The following ZFHX3 variants were observed in gnomAD, a reference collection of about 807,000 sequenced individuals.
ZFHX3 encodes zinc finger homeobox protein 3.
A neutral mutation model predicts 279.1 loss-of-function variants in ZFHX3; 42 were observed. The ratio of observed to expected loss-of-function variants is 0.15; its 90% CI spans 0.12 to 0.19. The LOEUF (loss-of-function observed/expected upper bound fraction) is 0.19. Ranked by LOEUF, ZFHX3 falls within the 10% of genes least tolerant of loss-of-function variation. The pLI, the probability that ZFHX3 is intolerant of heterozygous loss-of-function variation, is 1.00. For missense variants in ZFHX3, 4,981 were observed against 4,754.0 expected (o/e 1.05, Z -1.40); for synonymous variants, 2,293 against 1,957.8 (o/e 1.17, Z -4.52).
chr16:73,677,895 T>A (rs1221617682), intron 2 of ZFHX3, among the ~76,000 whole-genome samples: 5 of 151,994 alleles, frequency 3.3e-5, no homozygotes, highest in African/African-American at 1.2e-4. Context: ...TAAGGATGAA[T>A]TCATGTTAGA....
At chr16:73,225,433 T>C (rs1400391788) in intron 5 of ZFHX3, among the ~76,000 whole-genome samples, 1 of 151,784 alleles carries the variant, frequency 6.6e-6, no homozygotes, top group Non-Finnish European at 1.5e-5. Flanking sequence ...CTGGGCAACA[T>C]AGGGAGATCT....
intron 1 of ZFHX3, among the ~76,000 whole-genome samples, chr16:72,983,354 C>CA (rs1168031987): frequency 6.6e-6 from 1 of 152,186 alleles, no homozygotes; most frequent in African/African-American, 2.4e-5. Flanking sequence ...GAACACAAAA[C>CA]AATGACCAGG....
intron 8 of ZFHX3, among the ~76,000 whole-genome samples, chr16:73,075,851 C>T (rs982809139): frequency 6.6e-6 from 1 of 151,938 alleles, no homozygotes; most frequent in Admixed American, 6.6e-5. Context: ...AGGTTGGTCT[C>T]GAACTCCTGA....
At chr16:73,449,719 G>A (rs551911079) in intron 3 of ZFHX3, among the ~76,000 whole-genome samples, 2 of 152,246 alleles carry the variant, frequency 1.3e-5, no homozygotes, top group African/African-American at 4.8e-5. Context: ...AGGAGGTAAG[G>A]GAAGGAAATT....
At chr16:73,684,447 T>C (rs2142199744) in intron 1 of ZFHX3, among the ~76,000 whole-genome samples, 1 of 152,138 alleles carries the variant, frequency 6.6e-6, no homozygotes. Flanking sequence ...TCCTGTACAA[T>C]TGCTAGATAA....
At chr16:73,171,170 A>C (rs902323030) in intron 5 of ZFHX3, among the ~76,000 whole-genome samples, 4 of 152,068 alleles carry the variant, frequency 2.6e-5, no homozygotes, top group Admixed American at 6.5e-5. Context: ...TCATCCCCCC[A>C]AAAAAGCCCT....
chr16:73,219,500 C>T (rs1431328507), intron 5 of ZFHX3, among the ~76,000 whole-genome samples: 3 of 152,136 alleles, frequency 2.0e-5, no homozygotes, highest in Non-Finnish European at 4.4e-5. Flanking sequence ...GTAGAGATGC[C>T]CTACAACTGG....
intron 1 of ZFHX3, among the ~76,000 whole-genome samples, chr16:72,997,275 A>C (rs12931021): frequency 0.78 from 118,797 of 152,016 alleles, 47,118 homozygotes; most frequent in Middle Eastern, 0.87. Flanking sequence ...GCTGTCTTGC[A>C]TATGGGCTGT....
chr16:73,452,700 G>A (rs2018297997), intron 3 of ZFHX3, among the ~76,000 whole-genome samples: 1 of 152,174 alleles, frequency 6.6e-6, no homozygotes, highest in Admixed American at 6.5e-5. Flanking sequence ...CCATTTGTTG[G>A]ATTTACTTAC....
chr16:73,695,208 T>C (rs1046058367), intron 1 of ZFHX3, among the ~76,000 whole-genome samples: 9 of 151,940 alleles, frequency 5.9e-5, no homozygotes, highest in African/African-American at 2.2e-4. Flanking sequence ...GCTTAAAAAT[T>C]GCAGAAAATG....
At chr16:73,813,544 A>G (rs1447138715) in intron 1 of ZFHX3, among the ~76,000 whole-genome samples, 1 of 152,168 alleles carries the variant, frequency 6.6e-6, no homozygotes, top group Admixed American at 6.5e-5. Context: ...AGTCTGAAAA[A>G]CAGTGGGCAT....
chr16:72,936,003 C>T (rs779948118), intron 3 of ZFHX3, among the ~76,000 whole-genome samples: 8 of 152,182 alleles, frequency 5.3e-5, no homozygotes, highest in South Asian at 2.1e-4. Flanking sequence ...CGGACAGAGC[C>T]GAAACTCACG....
intron 1 of ZFHX3, chr16:73,812,728 A>G (rs938755400): frequency 1.3e-5 from 2 of 152,206 alleles, no homozygotes; most frequent in African/African-American, 4.8e-5. Context: ...TACCAGAAAA[A>G]CAGCTCAATA....
At chr16:73,495,248 A>G (rs1161534886) in intron 2 of ZFHX3, among the ~76,000 whole-genome samples, 1 of 152,232 alleles carries the variant, frequency 6.6e-6, no homozygotes, top group Non-Finnish European at 1.5e-5. Flanking sequence ...CAATTTGAAA[A>G]GCGAATAACC....
chr16:73,272,784 T>A (rs2014183969), intron 4 of ZFHX3, among the ~76,000 whole-genome samples: 1 of 152,202 alleles, frequency 6.6e-6, no homozygotes, highest in South Asian at 2.1e-4. Flanking sequence ...TGTTACTCTG[T>A]CGCCCAGGCT....
At chr16:73,232,141 C>G (rs947332451) in intron 5 of ZFHX3, 2 of 152,218 alleles carry the variant, frequency 1.3e-5, no homozygotes, top group African/African-American at 4.8e-5. Flanking sequence ...CTGGTTCGCA[C>G]GCATTCCGGT....
rs553651534 is a variant in ZFHX3, at chr16:73,389,394, C to T, written c.-1291+66609G>A. The stretch of plus-strand genomic sequence containing the variant: ...ATGTTTGCTGCCCTCTAGTCTAAAG[C>T]AGCATCTTATATCTAGAAAATCTAT... On this transcript the variant is annotated intron_variant, in intron 3 of 17. Coordinates refer to the ZFHX3 transcript ENST00000641206. 4.6e-5 allele frequency among the ~76,000 whole-genome samples: 7 copies of T among 152,316 alleles called. No homozygotes were observed. In the South Asian group the frequency reaches 6.2e-4, roughly 14 times the overall value.
At chr16:73,317,390 C>G (rs1239690937) in intron 4 of ZFHX3, among the ~76,000 whole-genome samples, 2 of 152,154 alleles carry the variant, frequency 1.3e-5, no homozygotes, top group South Asian at 2.1e-4. Flanking sequence ...TCACAGCCAT[C>G]GCTGGGCCCT....
intron 4 of ZFHX3, among the ~76,000 whole-genome samples, chr16:72,888,591 C>T (rs1259856035): frequency 6.6e-6 from 1 of 152,192 alleles, no homozygotes; most frequent in Non-Finnish European, 1.5e-5. Flanking sequence ...CAGAGTCAGG[C>T]TTGCAGAACT....
Sources: gnomAD v4.1 joint callset for allele counts (sites outside exome capture counted in the v4.1 genomes callset) on GRCh38, gnomAD v4.1.1 for gene constraint, MANE v1.5 for transcripts, NCBI Gene and HGNC (gene_info 2026-07-23, HGNC 2026-07-21) for gene names.